Variants in CNBD1 observed in about 807,000 individuals in gnomAD.
CNBD1 encodes cyclic nucleotide binding domain containing 1.
Under a neutral mutation model 54.4 loss-of-function variants are expected in CNBD1, and 71 were observed. The ratio of observed to expected loss-of-function variants is 1.30; its 90% CI spans 1.08 to 1.59. The LOEUF (loss-of-function observed/expected upper bound fraction) is 1.59. Ranked by LOEUF, CNBD1 falls within the 40% of genes most tolerant of loss-of-function variation. The pLI is 0.00. For synonymous variants in CNBD1, 182 were observed against 170.7 expected (o/e 1.07, Z -0.51); for missense variants, 659 against 518.0 (o/e 1.27, Z -2.64).
chr8:87,154,060 G>A (rs1170629617), intron 4 of CNBD1, among the ~76,000 whole-genome samples: 2 of 152,076 alleles, frequency 1.3e-5, no homozygotes, highest in Admixed American at 1.3e-4. Context: ...TGTATGACCT[G>A]TTAAATTACA....
intron 3 of CNBD1, among the ~76,000 whole-genome samples, chr8:86,930,764 A>C (rs1699222852): frequency 6.6e-6 from 1 of 152,084 alleles, no homozygotes. Context: ...GTTCTCCTAG[A>C]ATTGGGGTGT....
At chr8:87,330,208 C>T (rs1236319035) in intron 8 of CNBD1, among the ~76,000 whole-genome samples, 4 of 140,600 alleles carry the variant, frequency 2.8e-5, no homozygotes, top group African/African-American at 5.3e-5. Flanking sequence ...ATTTCCCATA[C>T]TGGTAATTTG....
At chr8:87,233,840 G>T (rs1277374313) in intron 5 of CNBD1, among the ~76,000 whole-genome samples, 1 of 152,130 alleles carries the variant, frequency 6.6e-6, no homozygotes, top group African/African-American at 2.4e-5. Flanking sequence ...TTTTACAAAA[G>T]ACTTATCTGT....
chr8:87,374,675 A>G (rs1436843479), intron 10 of CNBD1, among the ~76,000 whole-genome samples: 2 of 151,764 alleles, frequency 1.3e-5, no homozygotes, highest in African/African-American at 4.8e-5. Flanking sequence ...GAGGGAACAT[A>G]TTATTGCCTG....
chr8:87,282,584 C>G (rs1329195166), intron 6 of CNBD1, among the ~76,000 whole-genome samples: 2 of 151,710 alleles, frequency 1.3e-5, no homozygotes, highest in Non-Finnish European at 2.9e-5. Flanking sequence ...AATATTAATA[C>G]TTTTAAAAAT....
Position 87,324,930 on chromosome 8 carries a change from G to T in CNBD1, c.1043-26755G>T, listed in dbSNP as rs1439926569. ...TTTTGGATCTTTCTTGCTTTCTCTT[G>T]TGGGCATTCAGTGCTATAAATTTCC... On this transcript the variant is annotated intron_variant, in intron 8 of 10. Transcript: ENST00000518476. Among the ~76,000 whole-genome samples, 3 of 108,174 alleles carry T rather than the reference G, an allele frequency of 2.8e-5. 1 individual carries two copies. The highest frequency in any genetic ancestry group is 5.7e-5 in the Non-Finnish European group (3 of 52,632). 71.0% of individuals were successfully genotyped at this position (108,174 alleles called of 152,430 possible). A position where few individuals can be genotyped will look rare whatever the true frequency, so the allele number is the denominator to read the frequency against.
intron 10 of CNBD1, among the ~76,000 whole-genome samples, chr8:87,369,096 T>C (rs1367673157): frequency 6.6e-6 from 1 of 152,086 alleles, no homozygotes; most frequent in Non-Finnish European, 1.5e-5. Flanking sequence ...CTTATGTAGT[T>C]ATTTTATTCC....
intron 3 of CNBD1, among the ~76,000 whole-genome samples, chr8:86,918,192 T>C (rs184302771): frequency 1.8e-3 from 273 of 152,288 alleles, no homozygotes; most frequent in African/African-American, 6.2e-3. Flanking sequence ...GGATGCATAA[T>C]GGTTGTAGCA....
intron 2 of CNBD1, among the ~76,000 whole-genome samples, chr8:87,421,135 T>C (rs1255546338): frequency 6.6e-6 from 1 of 152,058 alleles, no homozygotes; most frequent in African/African-American, 2.4e-5. Flanking sequence ...ATTCCAACAG[T>C]GTACTGGGAG....
chr8:87,423,588 G>A (rs1411988156), intron 2 of CNBD1, among the ~76,000 whole-genome samples: 5 of 148,442 alleles, frequency 3.4e-5, no homozygotes, highest in Non-Finnish European at 5.9e-5. Flanking sequence ...TTATTGATTT[G>A]CGTATATTGA....
At chr8:86,949,660 CA>C in intron 4 of CNBD1, among the ~76,000 whole-genome samples, 1 of 152,104 alleles carries the variant, frequency 6.6e-6, no homozygotes. Flanking sequence ...ATATTGTCTA[CA>C]AATAAAAATA....
intron 5 of CNBD1, among the ~76,000 whole-genome samples, chr8:87,223,204 T>G (rs1814383142): frequency 6.6e-6 from 1 of 150,876 alleles, no homozygotes; most frequent in Non-Finnish European, 1.5e-5. Context: ...CCTTTTTGCT[T>G]TTTGGCTGAA....
chr8:87,310,903 G>A (rs1187082056), intron 8 of CNBD1, among the ~76,000 whole-genome samples: 9 of 152,036 alleles, frequency 5.9e-5, no homozygotes, highest in South Asian at 4.1e-4. Context: ...CTAGCCATAA[G>A]CAGACAAAAC....
rs971666725 is a variant in CNBD1 at position 87,166,004 on chromosome 8, C to T, written c.432-39989C>T. On this transcript the variant is annotated intron_variant, in intron 4 of 10. Transcript: ENST00000518476. The surrounding 1 kb of genome is among the most constrained non-coding windows in gnomAD (Gnocchi z 4.3). ...TGTGAAATTATAAAAATGAATAAACCGTGACTCTGAGATCTACATTCACGT... is the reference window on the plus strand; with the variant it reads ...TGTGAAATTATAAAAATGAATAAACTGTGACTCTGAGATCTACATTCACGT... Among the ~76,000 whole-genome samples the T allele has an allele frequency of 2.7e-5, 4 of 150,754 alleles. No individual in the cohort carries two copies. Among genetic ancestry groups the T allele is most frequent in the Admixed American group, 6.6e-5 (1 of 15,118 alleles).
At chr8:87,224,018 T>G (rs886651668) in intron 5 of CNBD1, among the ~76,000 whole-genome samples, 4 of 151,992 alleles carry the variant, frequency 2.6e-5, no homozygotes, top group Non-Finnish European at 5.9e-5. Flanking sequence ...TTTCATGTGT[T>G]TTTTGGCTGC....
intron 4 of CNBD1, among the ~76,000 whole-genome samples, chr8:86,945,775 G>T (rs1021576293): frequency 2.0e-5 from 3 of 152,156 alleles, no homozygotes; most frequent in Non-Finnish European, 4.4e-5. Context: ...TAAAGGAAGA[G>T]AATTATTTGT....
At chr8:87,245,570 T>C (rs1379159800) in intron 6 of CNBD1, among the ~76,000 whole-genome samples, 2 of 151,978 alleles carry the variant, frequency 1.3e-5, no homozygotes, top group Non-Finnish European at 2.9e-5. Flanking sequence ...TGATATTAAG[T>C]ATTGTATTTG....
chr8:87,206,327 T>TAA (rs1193754564), intron 5 of CNBD1, among the ~76,000 whole-genome samples, 189 bp downstream of exon 5: 21 of 152,192 alleles, frequency 1.4e-4, no homozygotes, highest in African/African-American at 5.1e-4. Flanking sequence ...TTTTAGTACT[T>TAA]AGAGTTTAAG....
Position 87,224,167 on chromosome 8 carries a change from G to A in CNBD1, c.578-12752G>A, listed in dbSNP as rs1222913964. On this transcript the variant is annotated intron_variant, in intron 5 of 10. Coordinates refer to ENST00000518476, the MANE Select transcript of CNBD1 (RefSeq NM_173538.3). ...CCCCTTTGTCAGATGGGTAGGTTGC[G>A]AAAATTTTCTCCCATTTTGTAGGTT... is the stretch of plus-strand genomic sequence containing the variant. Among the ~76,000 whole-genome samples, 41 of 151,904 alleles carry A rather than the reference G, an allele frequency of 2.7e-4. 1 individual carries two copies. The highest frequency in any genetic ancestry group is 8.3e-4 in the South Asian group (4 of 4,810).
Sources: allele counts gnomAD v4.1 joint callset (sites outside exome capture counted in the v4.1 genomes callset), GRCh38; gene constraint gnomAD v4.1.1; non-coding constraint Gnocchi (gnomAD v3.1); transcripts MANE v1.5; gene names NCBI Gene and HGNC (gene_info 2026-07-23, HGNC 2026-07-21).